Variants in SPAG16 observed in about 807,000 individuals in gnomAD.
The protein encoded by SPAG16 is sperm-associated antigen 16 protein.
SPAG16 carries 86 observed loss-of-function variants against 80.4 expected under a neutral mutation model. The ratio of observed to expected loss-of-function variants is 1.07; its 90% CI spans 0.90 to 1.28. The LOEUF (loss-of-function observed/expected upper bound fraction) is 1.28, where lower values mean the gene tolerates loss of function less well. Ranked by LOEUF, SPAG16 falls within the 50% of genes most tolerant of loss-of-function variation. The pLI, the probability that SPAG16 is intolerant of heterozygous loss-of-function variation, is 0.00. For missense variants in SPAG16, 870 were observed against 765.3 expected (o/e 1.14, Z -1.61); for synonymous variants, 294 against 265.9 (o/e 1.11, Z -1.03).
intron 15 of SPAG16, among the ~76,000 whole-genome samples, chr2:214,392,698 G>GAAAAAA (rs34299318): frequency 1.4e-5 from 2 of 144,748 alleles, no homozygotes. Flanking sequence ...ACCTACAAAG[G>GAAAAAA]AAAAAAAAAA....
chr2:213,549,032 A>G lies in SPAG16; in HGVS notation c.1070+58942A>G, dbSNP rs973687047. On this transcript the variant is annotated intron_variant, in intron 10 of 15. Transcript: ENST00000331683. Reference sequence around the variant, plus strand: ...CTTTTATAATTATTCTTTTCTCGTTATATTTAAGATGTCACCTTCATGATA... The same window carrying G: ...CTTTTATAATTATTCTTTTCTCGTTGTATTTAAGATGTCACCTTCATGATA... 7.2e-5 allele frequency among the ~76,000 whole-genome samples: 11 copies of G among 151,914 alleles called. No homozygotes were observed. The South Asian group carries it at 1.2e-3, about 17-fold the overall frequency.
At position 213,523,075 on chromosome 2, in the gene SPAG16, G is replaced by C. The variant is rs541814508; in HGVS notation, c.1070+32985G>C. ...TATGGTTTGGCTGTGTCACCTCCCAGATCTCATCTTGAATTGTAGTTCCCA... is the reference window on the plus strand; with the variant it reads ...TATGGTTTGGCTGTGTCACCTCCCACATCTCATCTTGAATTGTAGTTCCCA... On this transcript the variant is annotated intron_variant, in intron 10 of 15. Coordinates refer to ENST00000331683, the MANE Select transcript of SPAG16 (RefSeq NM_024532.5). Among the ~76,000 whole-genome samples the C allele has an allele frequency of 3.9e-5, 6 of 152,166 alleles. No homozygotes were observed. The East Asian group carries it at 1.2e-3, about 29-fold the overall frequency.
intron 14 of SPAG16, among the ~76,000 whole-genome samples, chr2:214,118,556 C>G (rs1486657290): frequency 6.6e-6 from 1 of 152,086 alleles, no homozygotes; most frequent in Admixed American, 6.6e-5. Flanking sequence ...TCCTTCTTCA[C>G]ATGGTGGCGG....
chr2:213,837,796 A>G (rs1259475973), intron 10 of SPAG16, among the ~76,000 whole-genome samples: 1 of 152,210 alleles, frequency 6.6e-6, no homozygotes, highest in Non-Finnish European at 1.5e-5. Context: ...TGTAATCACA[A>G]GAGTCCATAT....
chr2:213,867,839 G>A (rs1259318516), intron 11 of SPAG16, among the ~76,000 whole-genome samples: 1 of 147,020 alleles, frequency 6.8e-6, no homozygotes, highest in African/African-American at 2.5e-5. Flanking sequence ...CAGGAGAATG[G>A]CATGAACCTG....
At chr2:213,611,120 G>C (rs986508435) in intron 10 of SPAG16, among the ~76,000 whole-genome samples, 1 of 152,134 alleles carries the variant, frequency 6.6e-6, no homozygotes, top group Admixed American at 6.6e-5. Context: ...ATACATTTCT[G>C]TACCCCACTA....
chr2:214,273,535 T>G (rs902004028), intron 15 of SPAG16, among the ~76,000 whole-genome samples: 11 of 152,208 alleles, frequency 7.2e-5, no homozygotes, highest in Non-Finnish European at 1.3e-4. Flanking sequence ...CCAACACCAT[T>G]TATTAAATAG....
At chr2:214,340,091 T>C (rs537072715) in intron 15 of SPAG16, among the ~76,000 whole-genome samples, 3 of 152,112 alleles carry the variant, frequency 2.0e-5, no homozygotes, top group Non-Finnish European at 4.4e-5. Context: ...GCATTCTACA[T>C]GCAAGGGAGG....
At chr2:213,952,824 C>T (rs1344079055) in intron 12 of SPAG16, among the ~76,000 whole-genome samples, 1 of 152,042 alleles carries the variant, frequency 6.6e-6, no homozygotes, top group Admixed American at 6.6e-5. Flanking sequence ...CAAGTCTTTA[C>T]CAGAATGAGA....
At chr2:213,909,833 TACA>T (rs2077585990) in intron 11 of SPAG16, among the ~76,000 whole-genome samples, 1 of 152,192 alleles carries the variant, frequency 6.6e-6, no homozygotes, top group African/African-American at 2.4e-5. Context: ...CAAACCCTCA[TACA>T]GCCAGAAGTG....
chr2:214,158,335 C>T (rs929725), intron 15 of SPAG16, among the ~76,000 whole-genome samples: 47,841 of 151,712 alleles, frequency 0.32, 9,503 homozygotes, highest in Non-Finnish European at 0.44. Context: ...CACTTTTCCT[C>T]GATCCAAAAC....
intron 9 of SPAG16, chr2:213,422,564 T>C (rs1340521540): frequency 2.4e-6 from 1 of 414,574 alleles, no homozygotes; most frequent in Non-Finnish European, 4.4e-6. Flanking sequence ...CAAGCAAAAC[T>C]TGGGCAAAGG....
chr2:214,394,462 T>A (rs1413877767), intron 15 of SPAG16, among the ~76,000 whole-genome samples: 1 of 152,182 alleles, frequency 6.6e-6, no homozygotes, highest in Non-Finnish European at 1.5e-5. Context: ...AAAAATACAT[T>A]TTAAAGCACC....
chr2:214,116,464 A>T (rs2053939712), intron 14 of SPAG16, among the ~76,000 whole-genome samples: 1 of 152,192 alleles, frequency 6.6e-6, no homozygotes. Flanking sequence ...TATGCTGTCT[A>T]TGCAAAGACC....
At chr2:214,236,468 A>G (rs1331973072) in intron 15 of SPAG16, among the ~76,000 whole-genome samples, 2 of 152,098 alleles carry the variant, frequency 1.3e-5, no homozygotes, top group Non-Finnish European at 2.9e-5. Flanking sequence ...CCTGGCCAAC[A>G]TAGCGAAACC....
chr2:213,878,867 G>A (rs2076239249), intron 11 of SPAG16, among the ~76,000 whole-genome samples: 1 of 152,058 alleles, frequency 6.6e-6, no homozygotes, highest in South Asian at 2.1e-4. Flanking sequence ...TCTGCATATA[G>A]CAATCCAGTT....
chr2:213,843,464 C>G (rs1350138060), intron 10 of SPAG16, among the ~76,000 whole-genome samples: 1 of 152,120 alleles, frequency 6.6e-6, no homozygotes, highest in Non-Finnish European at 1.5e-5. Flanking sequence ...AGATCAAATC[C>G]AGCCCCAAGA....
intron 5 of SPAG16, among the ~76,000 whole-genome samples, chr2:213,334,899 G>A (rs1265009939): frequency 2.0e-5 from 3 of 152,068 alleles, no homozygotes; most frequent in Non-Finnish European, 4.4e-5. Flanking sequence ...TAGCACAATA[G>A]GGTCACTGTA....
chr2:213,337,374 G>A (rs896767176), intron 5 of SPAG16, among the ~76,000 whole-genome samples: 5 of 152,192 alleles, frequency 3.3e-5, no homozygotes, highest in African/African-American at 9.7e-5. Flanking sequence ...AGGCTGAGAT[G>A]GATGAATTGA....
Sources: gnomAD v4.1 joint callset for allele counts (sites outside exome capture counted in the v4.1 genomes callset) on GRCh38, gnomAD v4.1.1 for gene constraint, MANE v1.5 for transcripts, NCBI Gene and HGNC (gene_info 2026-07-23, HGNC 2026-07-21) for gene names.